RAB38: variants seen among roughly 807,000 people sequenced by gnomAD.
The protein encoded by RAB38 is ras-related protein Rab-38.
RAB38 carries 15 observed loss-of-function variants against 18.4 expected under a neutral mutation model. That is an observed-to-expected ratio of 0.82 (90% CI 0.55 to 1.26). The LOEUF (loss-of-function observed/expected upper bound fraction) is 1.26. RAB38 is among the 50% of genes most tolerant of loss of function. RAB38 has a pLI of 0.00. For synonymous variants in RAB38, 101 were observed against 104.4 expected (o/e 0.97, Z 0.20); for missense variants, 294 against 267.4 (o/e 1.10, Z -0.69).
At chr11:88,008,970 C>T in the RAB38 span, among the ~76,000 whole-genome samples, 3 of 152,018 alleles carry the variant, frequency 2.0e-5, no homozygotes, top group South Asian at 2.1e-4. Flanking sequence ...CTGTGCCCGG[C>T]GGAAATAACA....
the RAB38 span, among the ~76,000 whole-genome samples, chr11:88,096,163 A>G: frequency 6.6e-6 from 1 of 151,682 alleles, no homozygotes; most frequent in Non-Finnish European, 1.5e-5. Flanking sequence ...GAAATCCTAC[A>G]TCATCTTTAC....
At chr11:88,153,753 T>C (rs1461724623) in intron 1 of RAB38, among the ~76,000 whole-genome samples, 1 of 152,262 alleles carries the variant, frequency 6.6e-6, no homozygotes, top group Admixed American at 6.5e-5. Context: ...AGATCAGGAA[T>C]TTGTATTTTT....
chr11:88,102,069 A>C, the RAB38 span, among the ~76,000 whole-genome samples: 9 of 152,004 alleles, frequency 5.9e-5, no homozygotes, highest in Non-Finnish European at 8.8e-5. Context: ...AGTGAGGGCT[A>C]CATAAGCATC....
intron 2 of RAB38, among the ~76,000 whole-genome samples, chr11:88,133,507 A>C (rs951746068): frequency 1.3e-5 from 2 of 152,096 alleles, no homozygotes; most frequent in South Asian, 2.1e-4. Context: ...AACTACTATA[A>C]AGTCTGGTCA....
chr11:88,054,470 A>C, the RAB38 span, among the ~76,000 whole-genome samples: 2 of 152,346 alleles, frequency 1.3e-5, no homozygotes, highest in South Asian at 4.1e-4. Context: ...AAGGGAAGCA[A>C]ATATTAACCT....
the RAB38 span, among the ~76,000 whole-genome samples, chr11:88,011,457 AGAGT>A: frequency 6.6e-6 from 1 of 152,224 alleles, no homozygotes; most frequent in African/African-American, 2.4e-5. Flanking sequence ...TGACCTGCAT[AGAGT>A]AACATAAATA....
chr11:87,914,187 C>CA, the RAB38 span, among the ~76,000 whole-genome samples: 2 of 150,476 alleles, frequency 1.3e-5, no homozygotes, highest in Non-Finnish European at 3.0e-5. Context: ...CGGAAGAACA[C>CA]AAAAAAAAGA....
At chr11:87,960,993 C>T in the RAB38 span, among the ~76,000 whole-genome samples, 6 of 152,172 alleles carry the variant, frequency 3.9e-5, no homozygotes, top group African/African-American at 1.4e-4. Flanking sequence ...AGAGAATTCA[C>T]AGCATATTGA....
Position 88,136,693 on chromosome 11 carries a change from G to T in RAB38, c.483+12982C>A, listed in dbSNP as rs550334318. Among the ~76,000 whole-genome samples, 7 of 152,288 alleles carry T rather than the reference G, an allele frequency of 4.6e-5. No homozygotes were observed. The East Asian group carries it at 1.4e-3, about 29-fold the overall frequency. ...TAATAGAGAAGTAGTAATAGGTTTA[G>T]CAGAGTATAGATAGTATGGTCTAAA... On this transcript the variant is annotated intron_variant, in intron 2 of 2. Transcript: ENST00000243662.
the RAB38 span, among the ~76,000 whole-genome samples, chr11:88,099,843 A>G: frequency 6.6e-6 from 1 of 151,788 alleles, no homozygotes; most frequent in Admixed American, 6.6e-5. Flanking sequence ...TTCAATTTAT[A>G]TTAAAATAAT....
At chr11:88,067,193 A>C in the RAB38 span, among the ~76,000 whole-genome samples, 1 of 152,228 alleles carries the variant, frequency 6.6e-6, no homozygotes, top group Non-Finnish European at 1.5e-5. Context: ...AACATTAAGA[A>C]GGTAAAGAGG....
chr11:88,081,557 T>G, the RAB38 span, among the ~76,000 whole-genome samples: 2 of 152,004 alleles, frequency 1.3e-5, no homozygotes, highest in South Asian at 4.1e-4. Flanking sequence ...AATCCTTAGT[T>G]AGCATTCCTT....
the RAB38 span, among the ~76,000 whole-genome samples, chr11:87,956,402 G>A: frequency 6.6e-6 from 1 of 152,142 alleles, no homozygotes; most frequent in Non-Finnish European, 1.5e-5. Flanking sequence ...TCACATGCAA[G>A]CTTAAATTCT....
the RAB38 span, among the ~76,000 whole-genome samples, chr11:87,957,462 T>G: frequency 6.6e-6 from 1 of 151,974 alleles, no homozygotes; most frequent in East Asian, 1.9e-4. Flanking sequence ...GGGAAAACTG[T>G]GTGCTTTTAT....
chr11:87,943,441 C>G, the RAB38 span, among the ~76,000 whole-genome samples: 2 of 152,082 alleles, frequency 1.3e-5, no homozygotes, highest in South Asian at 4.1e-4. Flanking sequence ...AGGTTACCAC[C>G]CTTCTATTCA....
the RAB38 span, among the ~76,000 whole-genome samples, chr11:88,033,758 C>T: frequency 6.4e-5 from 8 of 124,144 alleles, no homozygotes; most frequent in Non-Finnish European, 1.1e-4. Context: ...GATGGAGTCT[C>T]GCTCTGTCGC....
chr11:87,875,714 A>G, the RAB38 span, among the ~76,000 whole-genome samples: 1 of 151,542 alleles, frequency 6.6e-6, no homozygotes, highest in Non-Finnish European at 1.5e-5. Flanking sequence ...TAGAAATGTA[A>G]TGTTTTTGAT....
chr11:88,013,956 A>C, the RAB38 span, among the ~76,000 whole-genome samples: 1 of 152,176 alleles, frequency 6.6e-6, no homozygotes, highest in South Asian at 2.1e-4. Flanking sequence ...CAGCAGCAGC[A>C]GCACTAGTGG....
intron 1 of RAB38, among the ~76,000 whole-genome samples, chr11:88,168,297 T>C (rs1943268245): frequency 2.6e-5 from 4 of 152,190 alleles, no homozygotes; most frequent in Admixed American, 6.5e-5. Flanking sequence ...AACATTTAAT[T>C]TGGCATATAT....
Sources: gnomAD v4.1 joint callset for allele counts (sites outside exome capture counted in the v4.1 genomes callset) on GRCh38, gnomAD v4.1.1 for gene constraint, MANE v1.5 for transcripts, NCBI Gene and HGNC (gene_info 2026-07-23, HGNC 2026-07-21) for gene names.